The following PTPRR variants were observed in gnomAD, a reference collection of about 807,000 sequenced individuals.
PTPRR encodes receptor-type tyrosine-protein phosphatase R.
Under a neutral mutation model 77.2 loss-of-function variants are expected in PTPRR, and 38 were observed. The observed-to-expected ratio is 0.49, with a 90% CI of 0.38 to 0.65. The LOEUF (loss-of-function observed/expected upper bound fraction) is 0.65, where lower values mean the gene tolerates loss of function less well. PTPRR is among the 30% of genes least tolerant of loss of function. PTPRR has a pLI of 0.00. For synonymous variants in PTPRR, 299 were observed against 283.1 expected, an observed-to-expected ratio of 1.06 and a Z score of -0.57; for missense variants, 744 against 799.2, an observed-to-expected ratio of 0.93 and a Z score of 0.83.
chr12:70,768,805 T>A (rs934098929), intron 2 of PTPRR, among the ~76,000 whole-genome samples: 7 of 151,788 alleles, frequency 4.6e-5, no homozygotes, highest in Admixed American at 3.9e-4. Context: ...AAAAAGCTTA[T>A]CCACCATGAT....
rs1032411840 is a variant in PTPRR at position 70,844,737 on chromosome 12, T to C, written c.357+47942A>G. Among the ~76,000 whole-genome samples, 7 of 152,222 alleles carry C rather than the reference T, an allele frequency of 4.6e-5. No homozygotes were observed. The South Asian group carries it at 1.2e-3, about 27-fold the overall frequency. The stretch of plus-strand genomic sequence containing the variant: ...AGGTTCATCATTTACAAAATTCCAA[T>C]AGACTTCAGCTGGGTACTATGGAAA... On this transcript the variant is annotated intron_variant, in intron 2 of 13. Transcript: ENST00000283228.
intron 7 of PTPRR, among the ~76,000 whole-genome samples, chr12:70,699,184 A>G (rs1187907407): frequency 6.6e-6 from 1 of 152,242 alleles, no homozygotes; most frequent in East Asian, 1.9e-4. Flanking sequence ...TAACTTTGAT[A>G]AGATTAACAT....
intron 2 of PTPRR, among the ~76,000 whole-genome samples, chr12:70,812,401 AT>A (rs1285246866): frequency 6.6e-6 from 1 of 152,188 alleles, no homozygotes; most frequent in East Asian, 1.9e-4. Flanking sequence ...ATTAACACTG[AT>A]TTACTATCCC....
At chr12:70,698,062 A>G (rs1052463239) in intron 8 of PTPRR, among the ~76,000 whole-genome samples, 4 of 152,030 alleles carry the variant, frequency 2.6e-5, no homozygotes, top group Non-Finnish European at 2.9e-5. Flanking sequence ...GTGCTTTACA[A>G]TGTAAATTAT....
At chr12:70,913,811 C>T (rs893043903) in intron 1 of PTPRR, among the ~76,000 whole-genome samples, 1 of 151,992 alleles carries the variant, frequency 6.6e-6, no homozygotes, top group Non-Finnish European at 1.5e-5. Flanking sequence ...ATCTCTTGGT[C>T]AATGTAAATT....
At chr12:70,657,232 T>C (rs1002952093) in intron 12 of PTPRR, among the ~76,000 whole-genome samples, 5 of 152,038 alleles carry the variant, frequency 3.3e-5, no homozygotes, top group African/African-American at 1.2e-4. Context: ...AGAAGAATGG[T>C]GATGCCCTGA....
intron 2 of PTPRR, among the ~76,000 whole-genome samples, chr12:70,767,393 C>T: frequency 6.7e-6 from 1 of 149,780 alleles, no homozygotes; most frequent in African/African-American, 2.5e-5. Context: ...GACTTTAAAC[C>T]AACAAAGATC....
Position 70,800,951 on chromosome 12 carries a change from G to A in PTPRR, c.358-36173C>T, listed in dbSNP as rs1592764757. 2.0e-5 allele frequency among the ~76,000 whole-genome samples: 3 copies of A among 151,156 alleles called. No individual in the cohort carries two copies. In the East Asian group the frequency reaches 5.8e-4, roughly 29 times the overall value. ...TTTCCTAAGGCCACATGCCTATTAA[G>A]TCATGCACCTTCTCCCCACAAACCC... is the stretch of plus-strand genomic sequence containing the variant. On this transcript the variant is annotated intron_variant, in intron 2 of 13. Coordinates refer to ENST00000283228, the MANE Select transcript of PTPRR (RefSeq NM_002849.4).
At chr12:70,776,197 C>T (rs557170789) in intron 2 of PTPRR, among the ~76,000 whole-genome samples, 3 of 152,126 alleles carry the variant, frequency 2.0e-5, no homozygotes, top group Non-Finnish European at 2.9e-5. Context: ...GGTATCATCC[C>T]GACTCTTCTT....
intron 8 of PTPRR, among the ~76,000 whole-genome samples, chr12:70,694,976 T>G (rs1888181306): frequency 6.6e-6 from 1 of 151,894 alleles, no homozygotes; most frequent in Non-Finnish European, 1.5e-5. Flanking sequence ...TGTAGACATA[T>G]TTTTATCACT....
chr12:70,892,761 G>A lies in PTPRR; in HGVS notation c.275C>T (p.Pro92Leu), dbSNP rs201825981. 1.8e-5 allele frequency: 29 copies of A among 1,613,456 alleles called. 1 individual carries two copies. In the East Asian group the frequency reaches 2.7e-4, roughly 15 times the overall value. Residue 92 changes from proline to leucine, a missense_variant, in exon 2 of 14, where the codon CCG (proline) becomes CTG (leucine). Pro to Leu is a moderately conservative substitution (Grantham distance 98). Transcript: ENST00000283228. ...NSAFPRPAYD[P>L]SLNLLAMDGQ... ...ATCCATGGCCAGCAGATTGAGAGAC[G>A]GGTCATATGCGGGTCTAGGAAATGC... is the stretch of plus-strand genomic sequence containing the variant.
At chr12:70,700,307 G>A (rs1431726548) in intron 7 of PTPRR, among the ~76,000 whole-genome samples, 10 of 152,092 alleles carry the variant, frequency 6.6e-5, no homozygotes, top group African/African-American at 2.2e-4. Flanking sequence ...TTCTCCTTGG[G>A]CAACAATTAG....
intron 2 of PTPRR, among the ~76,000 whole-genome samples, chr12:70,839,321 G>T (rs573271244): frequency 1.3e-5 from 2 of 150,084 alleles, no homozygotes; most frequent in Admixed American, 6.7e-5. Context: ...CTGGATATGT[G>T]TGTGTGTGTG....
At chr12:70,916,764 C>T (rs781064857) in intron 1 of PTPRR, among the ~76,000 whole-genome samples, 5 of 152,130 alleles carry the variant, frequency 3.3e-5, no homozygotes, top group Non-Finnish European at 7.4e-5. Context: ...TCATAGAATA[C>T]CTTTCTTCTT....
chr12:70,904,814 C>A (rs1893596293), intron 1 of PTPRR, among the ~76,000 whole-genome samples: 1 of 151,326 alleles, frequency 6.6e-6, no homozygotes, highest in Admixed American at 6.6e-5. Context: ...TGGGAAGGGA[C>A]AGAAAGCTAA....
At chr12:70,874,608 C>T (rs1011743535) in intron 2 of PTPRR, among the ~76,000 whole-genome samples, 1 of 152,134 alleles carries the variant, frequency 6.6e-6, no homozygotes, top group African/African-American at 2.4e-5. Flanking sequence ...GGAAACAATT[C>T]AGTTACATAT....
In PTPRR at chr12:70,638,908, G is replaced by T; in HGVS notation, c.*276C>A. 1 of 419,160 alleles carries T rather than the reference G, an allele frequency of 2.4e-6. No homozygotes were observed. Among genetic ancestry groups the T allele is most frequent in the Non-Finnish European group, 4.3e-6 (1 of 230,402 alleles). 26.0% of individuals were successfully genotyped at this position (419,160 alleles called of 1,614,324 possible). Reference sequence around the variant, plus strand: ...CTGTGTGGCAGATAGAGTCAGTACAGACAAAACAAAATCTGCCTTAGGCTG... The same window carrying T: ...CTGTGTGGCAGATAGAGTCAGTACATACAAAACAAAATCTGCCTTAGGCTG... On this transcript the variant is annotated 3_prime_UTR_variant, in exon 14 of 14. Transcript: ENST00000283228.
intron 13 of PTPRR, among the ~76,000 whole-genome samples, chr12:70,650,229 G>A (rs1003354085): frequency 6.6e-6 from 1 of 152,076 alleles, no homozygotes; most frequent in Non-Finnish European, 1.5e-5. Flanking sequence ...GATCACCTGA[G>A]GTCAGGAGTT....
intron 3 of PTPRR, among the ~76,000 whole-genome samples, chr12:70,762,540 G>A (rs937411252): frequency 6.6e-6 from 1 of 152,310 alleles, no homozygotes; most frequent in African/African-American, 2.4e-5. Context: ...GAGAACAACA[G>A]ACAATAACTA....
Sources: gnomAD v4.1 joint callset for allele counts (sites outside exome capture counted in the v4.1 genomes callset) on GRCh38, gnomAD v4.1.1 for gene constraint, MANE v1.5 for transcripts, NCBI Gene and HGNC (gene_info 2026-07-23, HGNC 2026-07-21) for gene names.